Variants in ENTPD2 observed in about 807,000 individuals in gnomAD.
ENTPD2 encodes CD39 antigen-like 1.
ENTPD2 carries 48 observed loss-of-function variants against 46.8 expected under a neutral mutation model. That is an observed-to-expected ratio of 1.03 (90% CI 0.81 to 1.30). ENTPD2 has a LOEUF of 1.30. Ranked by LOEUF, ENTPD2 falls within the 50% of genes most tolerant of loss-of-function variation. The pLI is 0.00. For missense variants in ENTPD2, 707 were observed against 651.1 expected, an observed-to-expected ratio of 1.09 and a Z score of -0.93; for synonymous variants, 316 against 286.1, an observed-to-expected ratio of 1.10 and a Z score of -1.06.
At chr9:137,049,167 C>T in intron 7 of ENTPD2, 92 bp from the exon 8 acceptor site, 1 of 1,526,998 alleles carries the variant, frequency 6.5e-7, no homozygotes, top group Non-Finnish European at 8.8e-7. Context: ...TTCACCCCTC[C>T]CCAGACACAC....
chr9:137,052,524 AAGG>A (rs1832321473), intron 1 of ENTPD2, 176 bp from the exon 2 acceptor site: 6 of 535,894 alleles, frequency 1.1e-5, no homozygotes, highest in South Asian at 9.1e-5. Context: ...CCGTGGTTGG[AAGG>A]AGAACAGGGA....
In ENTPD2 at chr9:137,048,605, G is replaced by A; in HGVS notation, c.*52C>T. ...GGTTGTGGGAGGGGTGGGAGTACGG[G>A]GTGGGGATACAGGGGTTGGGGGAGG... On this transcript the variant is annotated 3_prime_UTR_variant, in exon 9 of 9. Coordinates refer to ENST00000355097, the MANE Select transcript of ENTPD2 (RefSeq NM_203468.3). 6.7e-7 allele frequency: 1 copy of A among 1,486,774 alleles called. No individual in the cohort carries two copies. The highest frequency in any genetic ancestry group is 9.0e-7 in the Non-Finnish European group (1 of 1,111,476). 92.1% of individuals were successfully genotyped at this position (1,486,774 alleles called of 1,614,324 possible).
Position 137,051,619 on chromosome 9 carries a change from T to C in ENTPD2, c.277A>G (p.Ser93Gly), listed in dbSNP as rs942931402. 6.2e-7 allele frequency: 1 copy of C among 1,612,550 alleles called. No individual in the cohort carries two copies. Among genetic ancestry groups the C allele is most frequent in the African/African-American group, 1.3e-5 (1 of 74,882 alleles). ...TCGAGGCATCCAACAAGACTCTGGC[T>C]GGCCCCAGAAGGGTTGTCTGCATAG... ...SSYADNPSGA[S>G]QSLVGCLEQA... The change falls in exon 3 of 9, where the codon AGC (serine) becomes GGC (glycine). Residue 93 changes from serine (S) to glycine (G), a missense_variant. Physicochemically the swap from Ser to Gly is moderately conservative, Grantham distance 56. Coordinates refer to ENST00000355097, the MANE Select transcript of ENTPD2 (RefSeq NM_203468.3).
rs1241868342 is a variant in ENTPD2 at position 137,049,094 on chromosome 9, ACCG to A, written c.1150-22_1150-20del. 7 of 1,529,476 alleles carry A rather than the reference ACCG, an allele frequency of 4.6e-6. No homozygotes were observed. Among genetic ancestry groups the A allele is most frequent in the Admixed American group, 4.0e-5 (2 of 49,634 alleles). The allele number at this position is 1,529,476 out of a possible 1,614,324, so 94.7% of individuals were successfully genotyped here. A position where few individuals can be genotyped will look rare whatever the true frequency, so the allele number is the denominator to read the frequency against. On this transcript the variant is annotated intron_variant, in intron 7 of 8. Transcript: ENST00000355097. The stretch of plus-strand genomic sequence containing the variant: ...CTTGCAGCTGGGACGCGGGCGGGAC[ACCG>A]TCAGGCAGGCGACCACCAGGAGGTC...
In ENTPD2 at chr9:137,052,220, C is replaced by T. The variant is rs1225508881; in HGVS notation, c.235+11G>A. On this transcript the variant is annotated intron_variant, in intron 2 of 8. Transcript: ENST00000355097. ...GAGTGGGCGTCCTGGCTGGGCTGGG[C>T]TGGGCCTCACCTGGAACATCACAGG... is the stretch of plus-strand genomic sequence containing the variant. 6.2e-7 allele frequency: 1 copy of T among 1,611,402 alleles called. No individual in the cohort carries two copies. The highest frequency in any genetic ancestry group is 8.5e-7 in the Non-Finnish European group (1 of 1,178,982).
chr9:137,052,188 C>A lies in ENTPD2; in HGVS notation c.235+43G>T, dbSNP rs770766766. 8.3e-6 allele frequency: 13 copies of A among 1,573,882 alleles called. No individual in the cohort carries two copies. In the South Asian group the frequency reaches 1.5e-4, roughly 18 times the overall value. On this transcript the variant is annotated intron_variant, in intron 2 of 8. Coordinates refer to ENST00000355097, the MANE Select transcript of ENTPD2 (RefSeq NM_203468.3). ...AAGGCTGGAGAGGGTCCCAGAGACC[C>A]TGCAGTGAGTGGGCGTCCTGGCTGG...
intron 2 of ENTPD2, among the ~76,000 whole-genome samples, chr9:137,051,913 G>T (rs147732358): frequency 1.2e-3 from 177 of 152,340 alleles, no homozygotes; most frequent in African/African-American, 4.2e-3. Context: ...GTCAACCCAG[G>T]TTGGCCTCCT....
Position 137,050,945 on chromosome 9 carries a change from C to G in ENTPD2, c.731G>C (p.Gly244Ala). The change falls in exon 5 of 9, where the codon GGC becomes GCC. Residue 244 changes from glycine (G) to alanine (A), a missense_variant. Gly to Ala is a moderately conservative substitution (Grantham distance 60, BLOSUM62 0). Coordinates refer to ENST00000355097, the MANE Select transcript of ENTPD2 (RefSeq NM_203468.3). ...CAGCCTCTGGAGGACCTGGTCACGG[C>G]CATAGCAGAGGAAGCTGTGGGTGTA... ...RVYTHSFLCY[G>A]RDQVLQRLLA... 6.2e-7 allele frequency: 1 copy of G among 1,612,558 alleles called. No individual in the cohort carries two copies. Among genetic ancestry groups the G allele is most frequent in the Non-Finnish European group, 8.5e-7 (1 of 1,180,010 alleles).
intron 5 of ENTPD2, 42 bp from the exon 6 acceptor site, chr9:137,050,580 T>C: frequency 6.3e-7 from 1 of 1,598,098 alleles, no homozygotes; most frequent in Non-Finnish European, 8.5e-7. Flanking sequence ...CCACCACCGC[T>C]CCAGAGGACC....
Position 137,048,819 on chromosome 9 carries a change from C to A in ENTPD2, c.1326G>T (p.Leu442=). ...CGGCGGGGATCAGGTTGGTCAGGTT[C>A]AGCATGTAGCCGAGCGCCCAGCCCA... ...TAVGWALGYM[L]NLTNLIPADP... The change falls in exon 9 of 9, where the codon CTG becomes CTT. Residue 442 remains leucine (L), a synonymous_variant. Transcript: ENST00000355097. 1 of 1,567,646 alleles carries A rather than the reference C, an allele frequency of 6.4e-7. No homozygotes were observed. Among genetic ancestry groups the A allele is most frequent in the Non-Finnish European group, 8.7e-7 (1 of 1,156,066 alleles).
At position 137,053,879 on chromosome 9, in the gene ENTPD2, A is replaced by G; in HGVS notation, c.117+2T>C. On this transcript the variant is annotated splice_donor_variant, in intron 1 of 8. Transcript: ENST00000355097. LOFTEE classifies it high-confidence loss of function. The stretch of plus-strand genomic sequence containing the variant: ...ACGTGCGCTGGGTGCCCGGGCGCGC[A>G]CCTTGAGGGCGGGCGGCTCCCGGAC... 8.2e-7 allele frequency: 1 copy of G among 1,222,700 alleles called. No individual in the cohort carries two copies. The highest frequency in any genetic ancestry group is 1.0e-6 in the Non-Finnish European group (1 of 982,124). 75.7% of individuals were successfully genotyped at this position (1,222,700 alleles called of 1,614,324 possible).
chr9:137,048,966 A>G lies in ENTPD2; in HGVS notation c.1259T>C (p.Phe420Ser). 2.7e-6 allele frequency: 4 copies of G among 1,507,404 alleles called. No homozygotes were observed. The highest frequency in any genetic ancestry group is 3.5e-6 in the Non-Finnish European group (4 of 1,127,390). The allele number at this position is 1,507,404 out of a possible 1,614,324, so 93.4% of individuals were successfully genotyped here. The change falls in exon 8 of 9, where the codon TTC becomes TCC. Residue 420 changes from phenylalanine (F) to serine (S), a missense_variant. Transcript: ENST00000355097. ...SRGYGFDERAFGGVIFQKKAA... is the reference protein window; with the variant it reads ...SRGYGFDERASGGVIFQKKAA... ...CTTCTTCTGGAAGATCACGCCGCCG[A>G]AGGCGCGCTCGTCGAAGCCGTAGCC...
chr9:137,051,610 G>T lies in ENTPD2; in HGVS notation c.286C>A (p.Leu96Ile). Reference sequence around the variant, plus strand: ...AGCGCCTGTTCGAGGCATCCAACAAGACTCTGGCTGGCCCCAGAAGGGTTG... The same window carrying T: ...AGCGCCTGTTCGAGGCATCCAACAATACTCTGGCTGGCCCCAGAAGGGTTG... ...ADNPSGASQS[L>I]VGCLEQALQD... The change falls in exon 3 of 9, where the codon CTT becomes ATT. Residue 96 changes from leucine (L) to isoleucine (I), a missense_variant. Transcript: ENST00000355097. The T allele has an allele frequency of 2.5e-6, 4 of 1,612,788 alleles. No homozygotes were observed. The highest frequency in any genetic ancestry group is 3.4e-6 in the Non-Finnish European group (4 of 1,179,940).
Position 137,048,981 on chromosome 9 carries a change from A to C in ENTPD2, c.1244T>G (p.Phe415Cys). ...CACGCCGCCGAAGGCGCGCTCGTCG[A>C]AGCCGTAGCCGCGACTCAGCAGCTG... ...VQQLLSRGYG[F>C]DERAFGGVIF... Residue 415 changes from phenylalanine (F) to cysteine (C), a missense_variant, in exon 8 of 9, where the codon TTC becomes TGC. Physicochemically the swap from Phe to Cys is radical, Grantham distance 205 (BLOSUM62 -2). Transcript: ENST00000355097. The C allele has an allele frequency of 6.5e-7, 1 of 1,535,336 alleles. No individual in the cohort carries two copies. The highest frequency in any genetic ancestry group is 8.7e-7 in the Non-Finnish European group (1 of 1,144,026).
Position 137,049,978 on chromosome 9 carries a change from G to A in ENTPD2, c.1041C>T (p.Ala347=), listed in dbSNP as rs775898745. The A allele has an allele frequency of 5.6e-6, 9 of 1,612,010 alleles. No individual in the cohort carries two copies. The highest frequency in any genetic ancestry group is 2.2e-5 in the East Asian group (1 of 44,864). Residue 347 remains alanine (A), a synonymous_variant, in exon 7 of 9, where the codon GCC becomes GCT. Transcript: ENST00000355097. ...PVAGNFVAFS[A]FFYTVDFLRT... ...GCAAAAAGTCCACAGTGTAGAAGAA[G>A]GCAGAGAAGGCCTGTAGGGGGCGCA... is the stretch of plus-strand genomic sequence containing the variant.
chr9:137,052,126 C>T, intron 2 of ENTPD2, 105 bp downstream of exon 2: 2 of 1,006,622 alleles, frequency 2.0e-6, no homozygotes, highest in African/African-American at 1.6e-5. Flanking sequence ...CTGGAGTGAG[C>T]CCCACCCAAC....
chr9:137,049,717 A>G, intron 7 of ENTPD2, 153 bp downstream of exon 7: 1 of 886,322 alleles, frequency 1.1e-6, no homozygotes, highest in Non-Finnish European at 1.7e-6. Context: ...TACCGGCCAC[A>G]GCCACGCCAC....
Position 137,053,865 on chromosome 9 carries a change from G to A in ENTPD2, c.117+16C>T. On this transcript the variant is annotated intron_variant, in intron 1 of 8. Transcript: ENST00000355097. The stretch of plus-strand genomic sequence containing the variant: ...CCGCTGCTCCCCAGACGTGCGCTGG[G>A]TGCCCGGGCGCGCACCTTGAGGGCG... 8.2e-7 allele frequency: 1 copy of A among 1,219,996 alleles called. No individual in the cohort carries two copies. The allele number at this position is 1,219,996 out of a possible 1,614,324, so 75.6% of individuals were successfully genotyped here.
chr9:137,051,614 C>G lies in ENTPD2; in HGVS notation c.282G>C (p.Gln94His), dbSNP rs200985282. 3.2e-5 allele frequency: 51 copies of G among 1,612,804 alleles called. No individual in the cohort carries two copies. In the Admixed American group the frequency reaches 6.5e-4, roughly 21 times the overall value. ...SYADNPSGAS[Q>H]SLVGCLEQAL... Reference sequence around the variant, plus strand: ...CCTGTTCGAGGCATCCAACAAGACTCTGGCTGGCCCCAGAAGGGTTGTCTG... The same window carrying G: ...CCTGTTCGAGGCATCCAACAAGACTGTGGCTGGCCCCAGAAGGGTTGTCTG... Residue 94 changes from glutamine to histidine, a missense_variant, in exon 3 of 9, where the codon CAG becomes CAC. By Grantham distance (24) the Gln-to-His change is conservative. Transcript: ENST00000355097.
Sources: gnomAD v4.1 joint callset for allele counts (sites outside exome capture counted in the v4.1 genomes callset) on GRCh38, gnomAD v4.1.1 for gene constraint, MANE v1.5 for transcripts, NCBI Gene and HGNC (gene_info 2026-07-23, HGNC 2026-07-21) for gene names.